The following ARHGAP35 variants were observed in gnomAD, a reference collection of about 807,000 sequenced individuals.
ARHGAP35 encodes the protein Rho GTPase activating protein 35.
Under a neutral mutation model 111.1 loss-of-function variants are expected in ARHGAP35, and 15 were observed. The observed-to-expected ratio is 0.13, with a 90% CI of 0.09 to 0.21. The LOEUF is 0.21. Among genes scored for constraint, ARHGAP35 ranks in the 10% least tolerant of loss-of-function variants. ARHGAP35 has a pLI of 1.00. For missense variants in ARHGAP35, 1,262 were observed against 1,873.0 expected (o/e 0.67, Z 6.02); for synonymous variants, 643 against 710.3 (o/e 0.91, Z 1.51).
At chr19:46,979,030 TGGG>T (rs1199144665) in intron 3 of ARHGAP35, among the ~76,000 whole-genome samples, 2 of 42,826 alleles carry the variant, frequency 4.7e-5, no homozygotes, top group African/African-American at 1.9e-4. Context: ...GGGGCAGGTG[TGGG>T]GGGGTGTGGT....
At chr19:46,861,234 C>G (rs984453738) in intron 1 of ARHGAP35, among the ~76,000 whole-genome samples, 25 bp downstream of exon 1, 1 of 151,160 alleles carries the variant, frequency 6.6e-6, no homozygotes, top group East Asian at 2.0e-4. Context: ...TCACGGGCCC[C>G]GGGCGGCGAG....
In ARHGAP35 at chr19:46,901,984, A is replaced by G. The variant is rs1441168737; in HGVS notation, c.-188-16504A>G. Among the ~76,000 whole-genome samples, 8 of 152,190 alleles carry G rather than the reference A, an allele frequency of 5.3e-5. No homozygotes were observed. Among genetic ancestry groups the G allele is most frequent in the African/African-American group, 7.2e-5 (3 of 41,448 alleles). ...TTCCTGGCTCCTCTCCAAGTGTTCT[A>G]CCACTAAAATGTTAATATTACCTTT... On this transcript the variant is annotated intron_variant, in intron 1 of 6. Transcript: ENST00000672722. This position sits in a 1 kb window ranked among gnomAD's most constrained non-coding sequence, Gnocchi z 4.5.
At chr19:46,978,609 TG>T (rs397859310) in intron 3 of ARHGAP35, among the ~76,000 whole-genome samples, 58 of 65,530 alleles carry the variant, frequency 8.9e-4, no homozygotes, top group East Asian at 1.9e-3. Context: ...GGGTGTGGTG[TG>T]GTGTGTGTGG....
intron 1 of ARHGAP35, among the ~76,000 whole-genome samples, chr19:46,910,229 C>A (rs944127612): frequency 1.3e-5 from 2 of 152,126 alleles, no homozygotes; most frequent in Admixed American, 6.6e-5. Context: ...CCTCCTGCCT[C>A]ACCCTTCCAA....
At chr19:46,883,137 C>G (rs897579273) in intron 1 of ARHGAP35, among the ~76,000 whole-genome samples, 4 of 152,056 alleles carry the variant, frequency 2.6e-5, no homozygotes, top group Non-Finnish European at 5.9e-5. Flanking sequence ...CTCTGTTGCC[C>G]AGGTTGGAGT....
intron 2 of ARHGAP35, among the ~76,000 whole-genome samples, chr19:46,928,698 G>A (rs551717460): frequency 6.6e-6 from 1 of 152,166 alleles, no homozygotes; most frequent in East Asian, 1.9e-4. Flanking sequence ...TTGGGAGGCC[G>A]AGGCAGGCAC....
chr19:46,996,984 C>T (rs145486340), intron 5 of ARHGAP35, among the ~76,000 whole-genome samples: 2 of 152,174 alleles, frequency 1.3e-5, no homozygotes, highest in Non-Finnish European at 2.9e-5. Context: ...GTGATGAAAC[C>T]CCGTCTCTAG....
At chr19:46,865,294 A>G (rs2055849168) in intron 1 of ARHGAP35, among the ~76,000 whole-genome samples, 1 of 152,210 alleles carries the variant, frequency 6.6e-6, no homozygotes, top group African/African-American at 2.4e-5. Context: ...AAATCTTTGT[A>G]AAGACTTAAA....
At chr19:46,954,731 C>T (rs2056429796) in intron 3 of ARHGAP35, among the ~76,000 whole-genome samples, 1 of 152,248 alleles carries the variant, frequency 6.6e-6, no homozygotes, top group Non-Finnish European at 1.5e-5. Context: ...AACAAACTCA[C>T]ACAATTTATC....
intron 1 of ARHGAP35, among the ~76,000 whole-genome samples, chr19:46,870,139 C>T (rs62136773): frequency 4.2e-4 from 63 of 151,442 alleles, no homozygotes; most frequent in South Asian, 1.3e-3. Flanking sequence ...TTAGTAGAGA[C>T]GGGGTTTCAC....
chr19:46,925,026 A>G (rs1478162006), intron 2 of ARHGAP35, among the ~76,000 whole-genome samples: 1 of 152,092 alleles, frequency 6.6e-6, no homozygotes, highest in African/African-American at 2.4e-5. Flanking sequence ...CTAACCTGAG[A>G]CTTCCTTCCC....
rs140857154 is a variant in ARHGAP35, at chr19:46,921,560, G to C, written c.2885G>C (p.Ser962Thr). The C allele has an allele frequency of 9.6e-4, 1,557 of 1,613,968 alleles. 2 individuals are homozygous for C. The highest frequency in any genetic ancestry group is 2.3e-3 in the Middle Eastern group (14 of 6,062). Reference protein sequence around the residue: ...HMYDNAAEACSTTEEVFNSPR... With the variant: ...HMYDNAAEACTTTEEVFNSPR... ...TACGATAATGCTGCCGAGGCCTGTA[G>C]CACCACCGAAGAGGTGTTTAACTCC... Residue 962 changes from serine to threonine, a missense_variant, in exon 2 of 7, where the codon AGC becomes ACC. Transcript: ENST00000672722. The surrounding 1 kb of genome is among the most constrained non-coding windows in gnomAD (Gnocchi z 4.3).
chr19:46,920,122 C>A lies in ARHGAP35; in HGVS notation c.1447C>A (p.Gln483Lys). Residue 483 changes from glutamine to lysine, a missense_variant, in exon 2 of 7, where the codon CAA becomes AAA. Gln to Lys is a moderately conservative substitution (Grantham distance 53, BLOSUM62 1). Transcript: ENST00000672722. This position sits in a 1 kb window ranked among gnomAD's most constrained non-coding sequence, Gnocchi z 7.0. ...GGATATTTATGGCAAACACCAAAAG[C>A]AAATTATAGATAAAGCAAAGGAAGA... ...YMDIYGKHQK[Q>K]IIDKAKEEFQ... The A allele has an allele frequency of 6.2e-7, 1 of 1,613,882 alleles. No individual in the cohort carries two copies. Among genetic ancestry groups the A allele is most frequent in the Non-Finnish European group, 8.5e-7 (1 of 1,179,872 alleles).
At chr19:46,950,563 G>T (rs937231671) in intron 3 of ARHGAP35, among the ~76,000 whole-genome samples, 4 of 152,254 alleles carry the variant, frequency 2.6e-5, no homozygotes, top group Non-Finnish European at 1.5e-5. Context: ...GGCAGAGGCA[G>T]TCAGGGGATC....
chr19:46,862,471 G>A (rs1044169224), intron 1 of ARHGAP35, among the ~76,000 whole-genome samples: 1 of 151,706 alleles, frequency 6.6e-6, no homozygotes, highest in Admixed American at 6.6e-5. Flanking sequence ...CCTTAGACAT[G>A]CCCTTTAACC....
At chr19:46,938,846 T>G (rs981955802) in intron 3 of ARHGAP35, among the ~76,000 whole-genome samples, 2 of 151,306 alleles carry the variant, frequency 1.3e-5, no homozygotes, top group Non-Finnish European at 2.9e-5. Context: ...TTAATAGAGA[T>G]AGGGTTTCAC....
At chr19:46,979,149 G>A (rs149606229) in intron 3 of ARHGAP35, among the ~76,000 whole-genome samples, 165 of 151,988 alleles carry the variant, frequency 1.1e-3, no homozygotes, top group African/African-American at 3.7e-3. Flanking sequence ...TTGTGCTCGC[G>A]GTCTGTTTCT....
At chr19:46,889,526 A>G (rs1447041982) in intron 1 of ARHGAP35, among the ~76,000 whole-genome samples, 1 of 152,138 alleles carries the variant, frequency 6.6e-6, no homozygotes, top group Non-Finnish European at 1.5e-5. Context: ...ATTATATAAA[A>G]TGTGCACCGC....
At chr19:46,956,001 T>C (rs1032611925) in intron 3 of ARHGAP35, among the ~76,000 whole-genome samples, 1 of 152,178 alleles carries the variant, frequency 6.6e-6, no homozygotes, top group Admixed American at 6.5e-5. Flanking sequence ...CCTGACCCCA[T>C]GTGGTCACAG....
Sources: allele counts gnomAD v4.1 joint callset (sites outside exome capture counted in the v4.1 genomes callset), GRCh38; gene constraint gnomAD v4.1.1; non-coding constraint Gnocchi (gnomAD v3.1); transcripts MANE v1.5; gene names NCBI Gene and HGNC (gene_info 2026-07-23, HGNC 2026-07-21).